The following PRSS23 variants were observed in gnomAD, a reference collection of about 807,000 sequenced individuals.
PRSS23 encodes protease, serine 23.
A neutral mutation model predicts 34.7 loss-of-function variants in PRSS23; 25 were observed. That is an observed-to-expected ratio of 0.72 (90% confidence interval 0.53 to 1.01). The LOEUF (loss-of-function observed/expected upper bound fraction) is 1.01, where lower values mean the gene tolerates loss of function less well. Ranked by LOEUF, PRSS23 falls within the 50% of genes least tolerant of loss-of-function variation. The pLI, the probability that PRSS23 is intolerant of heterozygous loss-of-function variation, is 0.00. For synonymous variants in PRSS23, 176 were observed against 186.6 expected, an observed-to-expected ratio of 0.94 and a Z score of 0.46; for missense variants, 445 against 475.6, an observed-to-expected ratio of 0.94 and a Z score of 0.60.
intron 2 of PRSS23, among the ~76,000 whole-genome samples, chr11:86,876,521 A>AAAT (rs1289387337): frequency 6.6e-6 from 1 of 152,164 alleles, no homozygotes; most frequent in Non-Finnish European, 1.5e-5. Flanking sequence ...GTAAATACTA[A>AAAT]AATATTAAAG....
chr11:86,885,483 A>T (rs1948796831), intron 2 of PRSS23, among the ~76,000 whole-genome samples: 1 of 152,212 alleles, frequency 6.6e-6, no homozygotes, highest in Admixed American at 6.5e-5. Flanking sequence ...TTTGGATGAG[A>T]TTAACATTTG....
At chr11:86,829,879 G>C (rs556477744) in intron 2 of PRSS23, among the ~76,000 whole-genome samples, 151 of 152,320 alleles carry the variant, frequency 9.9e-4, no homozygotes, top group Non-Finnish European at 1.8e-3. Context: ...TTGGCCGTGT[G>C]AGGTGTCAGT....
chr11:86,824,569 G>C (rs1449211584), intron 2 of PRSS23, among the ~76,000 whole-genome samples: 2 of 150,052 alleles, frequency 1.3e-5, no homozygotes, highest in Non-Finnish European at 3.0e-5. Context: ...ATGCTGGTGT[G>C]CTGCACCCAT....
chr11:86,939,415 TATATA>T (rs1949189144), intron 2 of PRSS23, among the ~76,000 whole-genome samples: 1 of 85,644 alleles, frequency 1.2e-5, no homozygotes, highest in African/African-American at 3.5e-5. Flanking sequence ...TATATATATA[TATATA>T]TATATATTTT....
rs571554041 is a variant in PRSS23 at position 86,821,901 on chromosome 11, A to C, written c.-11-1476A>C. Among the ~76,000 whole-genome samples, 22 of 152,332 alleles carry C rather than the reference A, an allele frequency of 1.4e-4. No individual in the cohort carries two copies. The East Asian group carries it at 3.9e-3, about 27-fold the overall frequency. The stretch of plus-strand genomic sequence containing the variant: ...AGAAGTAAAATGGATGTATTAAAGG[A>C]TTTTAAAGAAAAAGCACTTGCTTTT... On this transcript the variant is annotated intron_variant, in intron 1 of 2. Transcript: ENST00000533902.
chr11:86,905,171 C>G (rs1242010710), intron 2 of PRSS23, among the ~76,000 whole-genome samples: 1 of 152,232 alleles, frequency 6.6e-6, no homozygotes, highest in Non-Finnish European at 1.5e-5. Context: ...GCATATCTTT[C>G]TCTTTCACTA....
chr11:86,836,400 C>A (rs533874541), intron 2 of PRSS23, among the ~76,000 whole-genome samples: 2 of 152,078 alleles, frequency 1.3e-5, no homozygotes, highest in Non-Finnish European at 1.5e-5. Context: ...GTATTCTTTG[C>A]TCATCCATAT....
At chr11:86,904,777 G>C (rs760100680) in intron 2 of PRSS23, among the ~76,000 whole-genome samples, 1 of 152,098 alleles carries the variant, frequency 6.6e-6, no homozygotes, top group Non-Finnish European at 1.5e-5. Flanking sequence ...GCCAGATATG[G>C]TGGCTCATGC....
chr11:86,826,932 A>C (rs1442603202), intron 2 of PRSS23, among the ~76,000 whole-genome samples: 1 of 152,166 alleles, frequency 6.6e-6, no homozygotes, highest in Non-Finnish European at 1.5e-5. Context: ...GATGTTCATC[A>C]AGGATATTGG....
chr11:86,944,334 ATTTAATCTGCAAAGACCCTATTTCC>A lies in PRSS23; in HGVS notation c.207-6880_207-6856del, dbSNP rs1267623587. Among the ~76,000 whole-genome samples, 3 of 152,040 alleles carry A rather than the reference ATTTAATCTGCAAAGACCCTATTTCC, an allele frequency of 2.0e-5. No individual in the cohort carries two copies. The East Asian group carries it at 5.8e-4, about 29-fold the overall frequency. On this transcript the variant is annotated intron_variant, in intron 2 of 2. Coordinates refer to the PRSS23 transcript ENST00000533902. Reference sequence around the variant, plus strand: ...TAAGTATGAACTCATTTTTAACTTGATTTAATCTGCAAAGACCCTATTTCCTAATAAGGTCACGTTCACAGGTATC... The same window carrying A: ...TAAGTATGAACTCATTTTTAACTTGATAATAAGGTCACGTTCACAGGTATC...
chr11:86,837,156 C>A (rs1172263544), intron 2 of PRSS23: 10 of 152,168 alleles, frequency 6.6e-5, no homozygotes, highest in Admixed American at 6.5e-4. Context: ...GTAATAAAAT[C>A]ATTCTCTTTG....
chr11:86,825,292 C>A (rs1048534640), intron 2 of PRSS23, among the ~76,000 whole-genome samples: 2 of 151,984 alleles, frequency 1.3e-5, no homozygotes, highest in African/African-American at 4.8e-5. Context: ...TGAGAAGTGT[C>A]TGTTCATGTC....
intron 1 of PRSS23, chr11:86,821,647 G>C (rs530648863): frequency 6.3e-7 from 1 of 1,580,572 alleles, no homozygotes; most frequent in Non-Finnish European, 8.7e-7. Context: ...GCCTTCAGCT[G>C]GTTCAAGAAT....
intron 2 of PRSS23, among the ~76,000 whole-genome samples, chr11:86,943,095 G>A (rs1200277915): frequency 6.6e-6 from 1 of 152,240 alleles, no homozygotes; most frequent in Non-Finnish European, 1.5e-5. Context: ...TCCTGGCCGT[G>A]CACACAGAGC....
At chr11:86,846,161 T>C (rs1948484941) in intron 2 of PRSS23, among the ~76,000 whole-genome samples, 1 of 152,166 alleles carries the variant, frequency 6.6e-6, no homozygotes, top group Admixed American at 6.5e-5. Flanking sequence ...TCTCGGTCCT[T>C]GCCTCTATCA....
chr11:86,940,096 G>A (rs1198435146), intron 2 of PRSS23, among the ~76,000 whole-genome samples: 5 of 152,010 alleles, frequency 3.3e-5, no homozygotes, highest in South Asian at 2.1e-4. Context: ...GAGCTGGTGG[G>A]GCCCCTTAGC....
intron 2 of PRSS23, among the ~76,000 whole-genome samples, chr11:86,881,393 T>A (rs1948771318): frequency 6.6e-6 from 1 of 152,054 alleles, no homozygotes. Flanking sequence ...ATATGGTGCA[T>A]CACGTTGATT....
chr11:86,828,614 A>T (rs1035170089), intron 2 of PRSS23, among the ~76,000 whole-genome samples: 2 of 152,060 alleles, frequency 1.3e-5, no homozygotes, highest in African/African-American at 2.4e-5. Context: ...ATTTGGCATG[A>T]TTTTGCAGCG....
rs2433445 is a variant in PRSS23, at chr11:86,848,905, G to A, written c.206+25312G>A. ...GCCTAGTAGGGCTTGTTATCAGTGC[G>A]GTTTGCAAGGACACTTTAAAAAAGA... On this transcript the variant is annotated intron_variant, in intron 2 of 2. Coordinates refer to the PRSS23 transcript ENST00000533902. 8.5e-3 allele frequency among the ~76,000 whole-genome samples: 1,295 copies of A among 152,260 alleles called. 70 individuals are homozygous for A. The highest frequency in any genetic ancestry group is 0.074 in the Admixed American group (1,134 of 15,288).
Sources: allele counts gnomAD v4.1 joint callset (sites outside exome capture counted in the v4.1 genomes callset), GRCh38; gene constraint gnomAD v4.1.1; transcripts MANE v1.5; gene names NCBI Gene and HGNC (gene_info 2026-07-23, HGNC 2026-07-21).